XRCC6: variants seen among roughly 807,000 people sequenced by gnomAD.
XRCC6 encodes X-ray repair cross complementing 6.
A neutral mutation model predicts 65.7 loss-of-function variants in XRCC6; 5 were observed. That is an observed-to-expected ratio of 0.08 (90% CI 0.04 to 0.16). The LOEUF is 0.16. Among genes scored for constraint, XRCC6 ranks in the 10% least tolerant of loss-of-function variants. The pLI is 1.00. For missense variants in XRCC6, 447 were observed against 738.1 expected (o/e 0.61, Z 4.57); for synonymous variants, 270 against 270.6 (o/e 1.00, Z 0.02).
At chr22:41,649,135 AAAAAAT>A (rs1286540838) in intron 7 of XRCC6, among the ~76,000 whole-genome samples, 4 of 94,916 alleles carry the variant, frequency 4.2e-5, no homozygotes, top group Non-Finnish European at 5.9e-5. Context: ...ACAAAAAAAA[AAAAAAT>A]ATATATATAT....
intron 7 of XRCC6, 108 bp downstream of exon 7, chr22:41,647,190 C>T: frequency 1.7e-6 from 2 of 1,203,100 alleles, no homozygotes; most frequent in Non-Finnish European, 2.3e-6. Context: ...CCTTGACCTC[C>T]TGGACTCAAG....
At chr22:41,662,937 C>G (rs375751146) in intron 12 of XRCC6, among the ~76,000 whole-genome samples, 3 of 152,036 alleles carry the variant, frequency 2.0e-5, no homozygotes, top group Non-Finnish European at 4.4e-5. Context: ...AAAAATTAGC[C>G]AGATGTGGTA....
intron 2 of XRCC6, among the ~76,000 whole-genome samples, chr22:41,623,749 C>T (rs1210097474): frequency 6.6e-6 from 1 of 151,624 alleles, no homozygotes; most frequent in East Asian, 1.9e-4. Flanking sequence ...GAGACAGAGT[C>T]TTGCTCTGTC....
chr22:41,627,085 T>G (rs1373636929), intron 2 of XRCC6, among the ~76,000 whole-genome samples: 2 of 152,178 alleles, frequency 1.3e-5, no homozygotes, highest in Non-Finnish European at 1.5e-5. Flanking sequence ...CTAATTAATT[T>G]TTTTAAAAAG....
chr22:41,640,366 G>T (rs1240099059), intron 6 of XRCC6, among the ~76,000 whole-genome samples: 2 of 151,864 alleles, frequency 1.3e-5, no homozygotes, highest in Admixed American at 6.6e-5. Context: ...AGCTAGGATG[G>T]TCTTGATCTC....
intron 2 of XRCC6, among the ~76,000 whole-genome samples, chr22:41,627,143 C>T (rs1271911256): frequency 6.6e-6 from 1 of 152,112 alleles, no homozygotes; most frequent in African/African-American, 2.4e-5. Flanking sequence ...CACAAAGCAT[C>T]TTGGCTCTTC....
intron 12 of XRCC6, among the ~76,000 whole-genome samples, chr22:41,662,664 A>C (rs2068110419): frequency 6.6e-6 from 1 of 152,362 alleles, no homozygotes; most frequent in East Asian, 1.9e-4. Flanking sequence ...GAATAGATCC[A>C]CAGGATGCAT....
chr22:41,658,768 A>G (rs995418611), intron 11 of XRCC6, among the ~76,000 whole-genome samples: 1 of 152,110 alleles, frequency 6.6e-6, no homozygotes, highest in Non-Finnish European at 1.5e-5. Context: ...TGTCTCTACT[A>G]AAAATACAAA....
intron 7 of XRCC6, among the ~76,000 whole-genome samples, chr22:41,649,432 T>G (rs2067973060): frequency 6.6e-6 from 1 of 151,560 alleles, no homozygotes; most frequent in Admixed American, 6.6e-5. Context: ...TGCCTTGGCC[T>G]CACAAAGTAT....
intron 9 of XRCC6, among the ~76,000 whole-genome samples, chr22:41,656,171 T>C (rs1330744808): frequency 3.5e-5 from 5 of 144,472 alleles, no homozygotes; most frequent in Non-Finnish European, 7.5e-5. Flanking sequence ...TAAGCTGTGA[T>C]CACACCACTG....
chr22:41,647,659 C>T (rs914871016), intron 7 of XRCC6, among the ~76,000 whole-genome samples: 2 of 152,082 alleles, frequency 1.3e-5, no homozygotes, highest in Admixed American at 6.6e-5. Flanking sequence ...AGTAATCCTC[C>T]TGCTTTGGCT....
At chr22:41,631,661 G>A (rs1411871514) in intron 3 of XRCC6, among the ~76,000 whole-genome samples, 10 of 143,182 alleles carry the variant, frequency 7.0e-5, no homozygotes, top group Non-Finnish European at 1.2e-4. Flanking sequence ...GCCAGGCAGA[G>A]GGGCTCCTCA....
chr22:41,647,196 T>A, intron 7 of XRCC6, 114 bp downstream of exon 7: 1 of 1,086,684 alleles, frequency 9.2e-7, no homozygotes. Flanking sequence ...CCTCCTGGAC[T>A]CAAGCGATCC....
intron 6 of XRCC6, among the ~76,000 whole-genome samples, chr22:41,639,771 T>G (rs962883492): frequency 1.3e-4 from 20 of 149,538 alleles, no homozygotes; most frequent in African/African-American, 4.7e-4. Flanking sequence ...CATGCCATTC[T>G]CCTGCCTCAG....
intron 10 of XRCC6, 143 bp downstream of exon 10, chr22:41,657,175 C>A: frequency 2.7e-6 from 3 of 1,093,062 alleles, no homozygotes; most frequent in South Asian, 2.0e-5. Context: ...TTTTTGAAAG[C>A]CATATAGAGA....
At chr22:41,663,193 C>G (rs1223824462) in intron 12 of XRCC6, among the ~76,000 whole-genome samples, 1 of 152,198 alleles carries the variant, frequency 6.6e-6, no homozygotes, top group African/African-American at 2.4e-5. Context: ...TAGCCTCAAC[C>G]TCCTGGGCTC....
intron 3 of XRCC6, among the ~76,000 whole-genome samples, chr22:41,633,852 G>A (rs766442778): frequency 7.9e-5 from 12 of 152,178 alleles, no homozygotes; most frequent in Non-Finnish European, 1.6e-4. Flanking sequence ...TCATAGATGA[G>A]CACAATTTGA....
intron 3 of XRCC6, among the ~76,000 whole-genome samples, chr22:41,631,155 T>G: frequency 7.4e-6 from 1 of 134,682 alleles, no homozygotes; most frequent in East Asian, 2.3e-4. Context: ...CCCCCCCACC[T>G]CCCTCCCGGA....
intron 3 of XRCC6, among the ~76,000 whole-genome samples, chr22:41,629,983 C>CT (rs60191841): frequency 0.018 from 1,645 of 93,526 alleles, 26 homozygotes; most frequent in Non-Finnish European, 0.022. Context: ...TGCATTTATG[C>CT]TTTTTTTTTT....
Sources: gnomAD v4.1 joint callset for allele counts (sites outside exome capture counted in the v4.1 genomes callset) on GRCh38, gnomAD v4.1.1 for gene constraint, MANE v1.5 for transcripts, NCBI Gene and HGNC (gene_info 2026-07-23, HGNC 2026-07-21) for gene names.